Variants in IMMP2L observed in about 807,000 individuals in gnomAD.
IMMP2L encodes mitochondrial inner membrane protease subunit 2.
In IMMP2L, 18 loss-of-function variants were observed where a neutral mutation model predicts 19.3. The ratio of observed to expected loss-of-function variants is 0.93; its 90% confidence interval spans 0.64 to 1.38. The LOEUF (loss-of-function observed/expected upper bound fraction) is 1.38, where lower values mean the gene tolerates loss of function less well. IMMP2L is among the 40% of genes most tolerant of loss of function. IMMP2L has a pLI of 0.00. For missense variants in IMMP2L, 233 were observed against 218.2 expected, an observed-to-expected ratio of 1.07 and a Z score of -0.43; for synonymous variants, 76 against 73.0, an observed-to-expected ratio of 1.04 and a Z score of -0.21.
At chr7:110,673,901 T>C (rs577931715) in intron 5 of IMMP2L, among the ~76,000 whole-genome samples, 95 of 152,336 alleles carry the variant, frequency 6.2e-4, no homozygotes, top group African/African-American at 2.2e-3. Context: ...TCTCACACTT[T>C]CCTGTCTTTT....
intron 2 of IMMP2L, among the ~76,000 whole-genome samples, chr7:111,502,596 A>C (rs1429223171): frequency 6.6e-6 from 1 of 152,140 alleles, no homozygotes; most frequent in Non-Finnish European, 1.5e-5. Flanking sequence ...GCAAATGTAA[A>C]AAACAGAAAT....
At chr7:110,705,448 G>A (rs894891144) in intron 5 of IMMP2L, among the ~76,000 whole-genome samples, 1 of 152,068 alleles carries the variant, frequency 6.6e-6, no homozygotes, top group Admixed American at 6.6e-5. Context: ...TAGTTCCCCA[G>A]GTAATGAATT....
At chr7:111,454,644 T>C (rs1771189195) in intron 3 of IMMP2L, among the ~76,000 whole-genome samples, 1 of 152,098 alleles carries the variant, frequency 6.6e-6, no homozygotes, top group African/African-American at 2.4e-5. Context: ...TTATTAAGAA[T>C]TATTGAGATA....
intron 3 of IMMP2L, among the ~76,000 whole-genome samples, chr7:111,378,242 T>A (rs972850917): frequency 1.1e-4 from 17 of 152,034 alleles, no homozygotes; most frequent in Admixed American, 3.9e-4. Flanking sequence ...GAAAATTCAA[T>A]TCAATTTTAT....
chr7:110,912,950 G>A (rs929290386), intron 4 of IMMP2L, among the ~76,000 whole-genome samples: 5 of 151,994 alleles, frequency 3.3e-5, no homozygotes, highest in Non-Finnish European at 7.4e-5. Flanking sequence ...GGCTAGAGAG[G>A]GAATGGATAG....
At chr7:111,539,192 GAGGGAGAAAGAAAGAAAGA>G (rs1490156901) in intron 1 of IMMP2L, among the ~76,000 whole-genome samples, 6 of 19,818 alleles carry the variant, frequency 3.0e-4, no homozygotes, top group African/African-American at 8.6e-4. Flanking sequence ...AGGAAGGAAG[GAGGGAGAAAGAAAGAAAGA>G]AAGAAAGAAA....
intron 3 of IMMP2L, among the ~76,000 whole-genome samples, chr7:111,077,797 T>C (rs1054300783): frequency 2.0e-5 from 3 of 152,200 alleles, no homozygotes; most frequent in African/African-American, 7.2e-5. Context: ...TGGTCACCAT[T>C]CAGGCCTCGC....
intron 4 of IMMP2L, among the ~76,000 whole-genome samples, chr7:110,899,622 C>T (rs1203891683): frequency 2.6e-5 from 4 of 152,172 alleles, no homozygotes; most frequent in Non-Finnish European, 5.9e-5. Flanking sequence ...ACCCAGACTA[C>T]CAGCATTCAT....
chr7:110,733,673 A>G (rs144237600), intron 5 of IMMP2L, among the ~76,000 whole-genome samples: 1,772 of 152,222 alleles, frequency 0.012, 22 homozygotes, highest in Middle Eastern at 0.031. Flanking sequence ...TTAATCTCCA[A>G]TGCAACAGTA....
At chr7:110,745,270 G>T (rs34648544) in intron 5 of IMMP2L, among the ~76,000 whole-genome samples, 1 of 151,830 alleles carries the variant, frequency 6.6e-6, no homozygotes, top group Non-Finnish European at 1.5e-5. Context: ...CCAAATCTAC[G>T]TTTGATTGGT....
chr7:111,429,705 T>A (rs1393590907), intron 3 of IMMP2L, among the ~76,000 whole-genome samples: 1 of 151,914 alleles, frequency 6.6e-6, no homozygotes, highest in Non-Finnish European at 1.5e-5. Context: ...AAATTGAGAC[T>A]CCCACAACTA....
rs1236116382 is a variant in IMMP2L, at chr7:110,924,900, A to G, written c.306-38205T>C. On this transcript the variant is annotated intron_variant, in intron 4 of 5. Coordinates refer to ENST00000405709, the MANE Select transcript of IMMP2L (RefSeq NM_032549.4). This position sits in a 1 kb window ranked among gnomAD's most constrained non-coding sequence, Gnocchi z 4.2. The stretch of plus-strand genomic sequence containing the variant: ...TATATTTCAAGAAAATGGTATATTC[A>G]AAAAAGGTTATTTTCTGTTAAGAGA... Among the ~76,000 whole-genome samples, 2 of 152,170 alleles carry G rather than the reference A, an allele frequency of 1.3e-5. No individual in the cohort carries two copies. Among genetic ancestry groups the G allele is most frequent in the East Asian group, 3.9e-4 (2 of 5,190 alleles).
intron 5 of IMMP2L, among the ~76,000 whole-genome samples, chr7:110,664,059 G>A (rs1001671582): frequency 4.6e-5 from 7 of 152,040 alleles, no homozygotes; most frequent in Non-Finnish European, 8.8e-5. Context: ...CTACCAAGCG[G>A]TTAGTCTGTG....
At chr7:111,534,237 T>C (rs1246731580) in intron 1 of IMMP2L, among the ~76,000 whole-genome samples, 1 of 152,102 alleles carries the variant, frequency 6.6e-6, no homozygotes, top group Non-Finnish European at 1.5e-5. Context: ...ACCATTTTTA[T>C]TGCAGTGAAA....
chr7:111,259,166 C>T (rs1178082230), intron 3 of IMMP2L, among the ~76,000 whole-genome samples: 1 of 152,020 alleles, frequency 6.6e-6, no homozygotes, highest in Non-Finnish European at 1.5e-5. Context: ...AAATGGTACC[C>T]TGTATAAAGT....
intron 3 of IMMP2L, among the ~76,000 whole-genome samples, chr7:111,459,576 G>C (rs1350243261): frequency 6.6e-6 from 1 of 152,010 alleles, no homozygotes; most frequent in Non-Finnish European, 1.5e-5. Context: ...GAGTAAACAT[G>C]TCACTGCTTT....
At chr7:110,671,682 C>T (rs1791931611) in intron 5 of IMMP2L, among the ~76,000 whole-genome samples, 2 of 152,050 alleles carry the variant, frequency 1.3e-5, no homozygotes, top group African/African-American at 4.8e-5. Flanking sequence ...TGTTCCCTCC[C>T]CTCCCTTTCC....
intron 5 of IMMP2L, among the ~76,000 whole-genome samples, chr7:110,769,191 A>G (rs1798875789): frequency 6.6e-6 from 1 of 151,946 alleles, no homozygotes; most frequent in African/African-American, 2.4e-5. Flanking sequence ...TTTCCTTGTT[A>G]TTTTCGTTAC....
chr7:110,663,779 A>G, intron 5 of IMMP2L, 58 bp from the exon 6 acceptor site: 1 of 1,226,406 alleles, frequency 8.2e-7, no homozygotes, highest in Non-Finnish European at 1.1e-6. Context: ...AAGAATCATT[A>G]TTAATAGCTT....
Sources: allele counts gnomAD v4.1 joint callset (sites outside exome capture counted in the v4.1 genomes callset), GRCh38; gene constraint gnomAD v4.1.1; non-coding constraint Gnocchi (gnomAD v3.1); transcripts MANE v1.5; gene names NCBI Gene and HGNC (gene_info 2026-07-23, HGNC 2026-07-21).